Variants in PPP2R2B observed in about 807,000 individuals in gnomAD.
The protein encoded by PPP2R2B is protein phosphatase 2 regulatory subunit Bbeta, also known as serine/threonine-protein phosphatase 2A 55 kDa regulatory subunit B beta isoform.
In PPP2R2B, 5 loss-of-function variants were observed where a neutral mutation model predicts 46.0. That is an observed-to-expected ratio of 0.11 (90% CI 0.06 to 0.23). The LOEUF (loss-of-function observed/expected upper bound fraction) is 0.23. PPP2R2B is among the 10% of genes least tolerant of loss of function. The pLI, the probability that PPP2R2B is intolerant of heterozygous loss-of-function variation, is 1.00. For missense variants in PPP2R2B, 367 were observed against 575.0 expected (o/e 0.64, Z 3.70); for synonymous variants, 215 against 206.7 (o/e 1.04, Z -0.34).
At chr5:146,882,602 C>T (rs972958899), upstream of PPP2R2B, among the ~76,000 whole-genome samples, 12 of 152,124 alleles carry the variant, frequency 7.9e-5, no homozygotes, top group Non-Finnish European at 1.8e-4. Flanking sequence ...GGAAAAAATA[C>T]ATTGCTATTA....
chr5:146,608,885 A>C (rs1354286984), intron 7 of PPP2R2B, among the ~76,000 whole-genome samples: 3 of 152,198 alleles, frequency 2.0e-5, no homozygotes, highest in Admixed American at 2.0e-4. Context: ...TTCTACTCCA[A>C]CTGTTACAAA....
chr5:146,733,164 C>T (rs1214763716), intron 2 of PPP2R2B, among the ~76,000 whole-genome samples: 1 of 152,214 alleles, frequency 6.6e-6, no homozygotes, highest in Non-Finnish European at 1.5e-5. Context: ...TTCCCGCAAT[C>T]TGGTTACTCA....
At chr5:146,965,813 A>G (rs572552941) in intron 1 of PPP2R2B, among the ~76,000 whole-genome samples, 1 of 152,330 alleles carries the variant, frequency 6.6e-6, no homozygotes, top group East Asian at 1.9e-4. Context: ...GTTAATAGCT[A>G]GGCTCTGACA....
intron 2 of PPP2R2B, among the ~76,000 whole-genome samples, chr5:146,749,162 T>C (rs1431825982): frequency 6.6e-6 from 1 of 152,254 alleles, no homozygotes; most frequent in African/African-American, 2.4e-5. Context: ...CTGATAGTGT[T>C]AAACATCATT....
intron 1 of PPP2R2B, among the ~76,000 whole-genome samples, chr5:146,985,532 T>C (rs1407978070): frequency 6.6e-6 from 1 of 152,208 alleles, no homozygotes; most frequent in Non-Finnish European, 1.5e-5. Flanking sequence ...GGCTTTGCAC[T>C]TTCTGTTCTT....
intron 1 of PPP2R2B, among the ~76,000 whole-genome samples, chr5:147,039,134 T>TC (rs1281173089): frequency 6.6e-6 from 1 of 152,168 alleles, no homozygotes; most frequent in East Asian, 1.9e-4. Flanking sequence ...GCTGACCCTT[T>TC]CCCATCAGTC....
intron 8 of PPP2R2B, among the ~76,000 whole-genome samples, chr5:146,593,856 G>A (rs904809712): frequency 6.6e-6 from 1 of 152,228 alleles, no homozygotes; most frequent in African/African-American, 2.4e-5. Context: ...AAGGATTGCT[G>A]AATCTGCTGT....
At chr5:146,888,581 C>G (rs1051476708) in intron 1 of PPP2R2B, among the ~76,000 whole-genome samples, 3 of 152,208 alleles carry the variant, frequency 2.0e-5, no homozygotes, top group Non-Finnish European at 4.4e-5. Flanking sequence ...CTTCATGTCA[C>G]TTTTCCGCTC....
intron 1 of PPP2R2B, among the ~76,000 whole-genome samples, chr5:147,050,686 A>ACACACG (rs1314317546): frequency 6.6e-6 from 1 of 151,610 alleles, no homozygotes; most frequent in Non-Finnish European, 1.5e-5. Context: ...ACACACACAC[A>ACACACG]CACGCATCCA....
At chr5:146,668,133 T>C (rs1777125257) in intron 5 of PPP2R2B, among the ~76,000 whole-genome samples, 1 of 152,230 alleles carries the variant, frequency 6.6e-6, no homozygotes, top group Non-Finnish European at 1.5e-5. Context: ...CTTTCTTATA[T>C]GTACCCACTG....
At chr5:146,685,431 T>C (rs778790471) in intron 5 of PPP2R2B, among the ~76,000 whole-genome samples, 1 of 152,262 alleles carries the variant, frequency 6.6e-6, no homozygotes, top group Non-Finnish European at 1.5e-5. Flanking sequence ...GCACAGTTGC[T>C]ACTATTAGTA....
Position 147,037,144 on chromosome 5 carries a change from T to C in PPP2R2B, c.79+18521A>G, listed in dbSNP as rs562075600. On this transcript the variant is annotated intron_variant, in intron 1 of 8. Coordinates refer to the PPP2R2B transcript ENST00000336640. ...CCAGCATACAGCTCTTGAAGGAAAC[T>C]ACAGTAGCTTCAGGGAAAAAAAATT... 1.2e-4 allele frequency among the ~76,000 whole-genome samples: 14 copies of C among 116,844 alleles called. No individual in the cohort carries two copies. In the South Asian group the frequency reaches 4.8e-3, roughly 40 times the overall value. The allele number at this position is 116,844 out of a possible 152,430, so 76.7% of individuals were successfully genotyped here.
At chr5:146,687,815 T>C (rs1778604857) in intron 5 of PPP2R2B, among the ~76,000 whole-genome samples, 1 of 152,206 alleles carries the variant, frequency 6.6e-6, no homozygotes, top group African/African-American at 2.4e-5. Flanking sequence ...ACAGGTTCAT[T>C]ACACAGTAAG....
At chr5:146,743,810 T>C (rs891421039) in intron 2 of PPP2R2B, among the ~76,000 whole-genome samples, 1 of 152,186 alleles carries the variant, frequency 6.6e-6, no homozygotes, top group Non-Finnish European at 1.5e-5. Context: ...GCCTCAAATA[T>C]GGCCACAAAA....
rs1041380651 is a variant in PPP2R2B, at chr5:146,801,568, G to T, written c.70+76434C>A. On this transcript the variant is annotated intron_variant, in intron 2 of 9. Coordinates refer to ENST00000394411, the MANE Select transcript of PPP2R2B (RefSeq NM_181675.4). ...GGGGAAATCACCATCAGTAAATACA[G>T]TTCATGCTGAGGGTGATGGGAAGAT... Among the ~76,000 whole-genome samples the T allele has an allele frequency of 2.0e-5, 3 of 152,172 alleles. No homozygotes were observed. The East Asian group carries it at 5.8e-4, about 29-fold the overall frequency.
chr5:146,775,746 C>G (rs185632708), intron 2 of PPP2R2B, among the ~76,000 whole-genome samples: 1 of 152,090 alleles, frequency 6.6e-6, no homozygotes, highest in Non-Finnish European at 1.5e-5. Flanking sequence ...AACACACACA[C>G]GCAAATCTGT....
chr5:146,699,627 C>T (rs985239324), intron 3 of PPP2R2B, among the ~76,000 whole-genome samples: 1 of 148,354 alleles, frequency 6.7e-6, no homozygotes, highest in East Asian at 2.0e-4. Context: ...ATAGCTCCTC[C>T]GGTTCCTCTT....
intron 1 of PPP2R2B, among the ~76,000 whole-genome samples, chr5:146,906,024 T>C (rs1177376229): frequency 2.0e-5 from 3 of 152,138 alleles, no homozygotes; most frequent in Non-Finnish European, 4.4e-5. Flanking sequence ...GTAAGCAGGA[T>C]TGAAACAATT....
intron 2 of PPP2R2B, among the ~76,000 whole-genome samples, chr5:146,823,032 G>A (rs1207367910): frequency 6.6e-6 from 1 of 152,102 alleles, no homozygotes; most frequent in Non-Finnish European, 1.5e-5. Flanking sequence ...TTTGGCAAAA[G>A]GGACTGTTTG....
Sources: gnomAD v4.1 joint callset for allele counts (sites outside exome capture counted in the v4.1 genomes callset) on GRCh38, gnomAD v4.1.1 for gene constraint, MANE v1.5 for transcripts, NCBI Gene and HGNC (gene_info 2026-07-23, HGNC 2026-07-21) for gene names.